DOCK3: variants seen among roughly 807,000 people sequenced by gnomAD.
DOCK3 encodes dedicator of cytokinesis 3.
In DOCK3, 60 loss-of-function variants were observed where a neutral mutation model predicts 265.6. The observed-to-expected ratio is 0.23, with a 90% CI of 0.18 to 0.28. The LOEUF is 0.28. Ranked by LOEUF, DOCK3 falls within the 10% of genes least tolerant of loss-of-function variation. The pLI is 1.00. For missense variants in DOCK3, 1,981 were observed against 2,594.3 expected, an observed-to-expected ratio of 0.76 and a Z score of 5.14; for synonymous variants, 881 against 938.0, an observed-to-expected ratio of 0.94 and a Z score of 1.11.
At chr3:51,245,984 C>G (rs771894370) in intron 21 of DOCK3, among the ~76,000 whole-genome samples, 5 of 152,154 alleles carry the variant, frequency 3.3e-5, no homozygotes, top group Non-Finnish European at 7.4e-5. Context: ...GGCGTATACT[C>G]CTGACCTCTG....
At chr3:50,894,590 T>C (rs754830441) in intron 4 of DOCK3, among the ~76,000 whole-genome samples, 5 of 152,146 alleles carry the variant, frequency 3.3e-5, no homozygotes, top group Non-Finnish European at 7.4e-5. Context: ...ACTGTAAAGA[T>C]AGTATATAAA....
chr3:51,378,631 C>A (rs754172868), intron 51 of DOCK3, among the ~76,000 whole-genome samples: 7 of 152,208 alleles, frequency 4.6e-5, no homozygotes, highest in Non-Finnish European at 8.8e-5. Context: ...GGACATATTT[C>A]TTTTTGCTGG....
intron 7 of DOCK3, among the ~76,000 whole-genome samples, chr3:51,085,063 A>G (rs1427090159): frequency 6.6e-6 from 1 of 152,238 alleles, no homozygotes; most frequent in Non-Finnish European, 1.5e-5. Context: ...CTTTACATCA[A>G]AAAACATAAA....
At chr3:51,079,304 A>AT (rs781198500) in intron 7 of DOCK3, among the ~76,000 whole-genome samples, 1 of 151,950 alleles carries the variant, frequency 6.6e-6, no homozygotes, top group Non-Finnish European at 1.5e-5. Flanking sequence ...ACACAGTTGG[A>AT]TTTTGCATTC....
chr3:51,012,669 G>A (rs935248787), intron 5 of DOCK3, among the ~76,000 whole-genome samples: 5 of 152,032 alleles, frequency 3.3e-5, no homozygotes, highest in African/African-American at 9.7e-5. Context: ...CCCACTGTCC[G>A]ATAAGCCCCA....
intron 1 of DOCK3, among the ~76,000 whole-genome samples, chr3:50,722,215 A>G (rs2037518611): frequency 6.6e-6 from 1 of 152,198 alleles, no homozygotes; most frequent in Non-Finnish European, 1.5e-5. Context: ...AGCAGGGTAA[A>G]GGGTGATTTC....
chr3:51,374,686 T>G lies in DOCK3; in HGVS notation c.5412+99T>G. On this transcript the variant is annotated intron_variant, in intron 50 of 52. Transcript: ENST00000266037. The surrounding 1 kb of genome is among the most constrained non-coding windows in gnomAD (Gnocchi z 4.8). ...GGCCTTCTGCATTGTCCTACATGGCTCTCTCATTCCGCTGTAAGATCCCGC... is the reference window on the plus strand; with the variant it reads ...GGCCTTCTGCATTGTCCTACATGGCGCTCTCATTCCGCTGTAAGATCCCGC... 1 of 1,172,362 alleles carries G rather than the reference T, an allele frequency of 8.5e-7. No individual in the cohort carries two copies. Among genetic ancestry groups the G allele is most frequent in the Non-Finnish European group, 1.2e-6 (1 of 813,370 alleles). The allele number at this position is 1,172,362 out of a possible 1,614,324, so 72.6% of individuals were successfully genotyped here. A position where few individuals can be genotyped will look rare whatever the true frequency, so the allele number is the denominator to read the frequency against.
chr3:51,334,248 C>T (rs1210182986), intron 35 of DOCK3, among the ~76,000 whole-genome samples: 1 of 152,224 alleles, frequency 6.6e-6, no homozygotes, highest in African/African-American at 2.4e-5. Flanking sequence ...CTTAATCATT[C>T]TCTCAGCAGG....
At chr3:51,180,907 A>T (rs540921922) in intron 12 of DOCK3, among the ~76,000 whole-genome samples, 1 of 152,326 alleles carries the variant, frequency 6.6e-6, no homozygotes, top group South Asian at 2.1e-4. Flanking sequence ...TGAGATGTTC[A>T]TGCATAGGTC....
At chr3:50,841,287 A>C (rs1182444009) in intron 2 of DOCK3, among the ~76,000 whole-genome samples, 1 of 152,194 alleles carries the variant, frequency 6.6e-6, no homozygotes, top group Non-Finnish European at 1.5e-5. Context: ...ACTGTATGGG[A>C]GATTGAATGA....
chr3:51,291,309 A>G (rs769426248), intron 27 of DOCK3, among the ~76,000 whole-genome samples: 4 of 152,170 alleles, frequency 2.6e-5, no homozygotes, highest in African/African-American at 4.8e-5. Flanking sequence ...TCAGAGTAGA[A>G]GTAAATGAAA....
intron 5 of DOCK3, among the ~76,000 whole-genome samples, chr3:51,048,225 T>G (rs1446923613): frequency 6.6e-6 from 1 of 152,074 alleles, no homozygotes; most frequent in Non-Finnish European, 1.5e-5. Flanking sequence ...ATACAATGAA[T>G]GTACTTCAGC....
chr3:50,750,913 A>G (rs1318467813), intron 1 of DOCK3, among the ~76,000 whole-genome samples: 1 of 152,248 alleles, frequency 6.6e-6, no homozygotes, highest in Non-Finnish European at 1.5e-5. Flanking sequence ...TTGCAAAGCC[A>G]AACAAATTAT....
intron 4 of DOCK3, among the ~76,000 whole-genome samples, chr3:50,905,769 G>A (rs538302734): frequency 3.3e-5 from 5 of 152,028 alleles, no homozygotes; most frequent in East Asian, 3.9e-4. Context: ...TCTCCTGCCT[G>A]ATTGCCCTGG....
At position 51,382,516 on chromosome 3, in the gene DOCK3, C is replaced by T. The variant is rs919604461; in HGVS notation, c.*957C>T. On this transcript the variant is annotated 3_prime_UTR_variant, in exon 53 of 53. Coordinates refer to ENST00000266037, the MANE Select transcript of DOCK3 (RefSeq NM_004947.5). ...CTTTCAGAAGCATCCAGAATGCCTA[C>T]CATCAGCTCCTGAATCAGGGATTTT... 6.5e-6 allele frequency: 1 copy of T among 152,686 alleles called. No homozygotes were observed. Among genetic ancestry groups the T allele is most frequent in the African/African-American group, 2.4e-5 (1 of 41,456 alleles). 9.5% of individuals were successfully genotyped at this position (152,686 alleles called of 1,614,324 possible).
chr3:51,251,180 C>G (rs1340926895), intron 22 of DOCK3, among the ~76,000 whole-genome samples: 2 of 152,202 alleles, frequency 1.3e-5, no homozygotes, highest in Non-Finnish European at 1.5e-5. Flanking sequence ...TCATCCATAT[C>G]CCTACAAAGG....
chr3:50,989,259 A>G (rs995239541), intron 5 of DOCK3, among the ~76,000 whole-genome samples: 2 of 152,160 alleles, frequency 1.3e-5, no homozygotes, highest in African/African-American at 4.8e-5. Flanking sequence ...CCTTTCGGCA[A>G]AGCTACTACT....
chr3:50,773,442 A>G (rs916611114), intron 1 of DOCK3, among the ~76,000 whole-genome samples: 3 of 152,158 alleles, frequency 2.0e-5, no homozygotes, highest in African/African-American at 7.2e-5. Flanking sequence ...AAGTTTACAT[A>G]GGTTCTGTGA....
chr3:50,872,440 A>G (rs1437028740), intron 3 of DOCK3, among the ~76,000 whole-genome samples: 1 of 152,242 alleles, frequency 6.6e-6, no homozygotes, highest in Admixed American at 6.5e-5. Context: ...TTTGAGTGAC[A>G]CAAGCACCTC....
Sources: allele counts gnomAD v4.1 joint callset (sites outside exome capture counted in the v4.1 genomes callset), GRCh38; gene constraint gnomAD v4.1.1; non-coding constraint Gnocchi (gnomAD v3.1); transcripts MANE v1.5; gene names NCBI Gene and HGNC (gene_info 2026-07-23, HGNC 2026-07-21).